C1orf87: variants seen among roughly 807,000 people sequenced by gnomAD.
C1orf87 encodes uncharacterized protein C1orf87.
C1orf87 carries 58 observed loss-of-function variants against 60.5 expected under a neutral mutation model. That is an observed-to-expected ratio of 0.96 (90% CI 0.78 to 1.19). The LOEUF is 1.19. Among genes scored for constraint, C1orf87 ranks in the 50% most tolerant of loss-of-function variants. The probability of loss-of-function intolerance (pLI) is 0.00; values close to 1 mark genes in which losing one functional copy is unlikely to be tolerated. For synonymous variants in C1orf87, 236 were observed against 227.4 expected (o/e 1.04, Z -0.34); for missense variants, 673 against 638.6 (o/e 1.05, Z -0.58).
chr1:60,064,642 T>TTAC (rs1367621674), intron 2 of C1orf87, among the ~76,000 whole-genome samples: 17 of 109,732 alleles, frequency 1.5e-4, no homozygotes, highest in African/African-American at 5.3e-4. Context: ...ATATATATGA[T>TTAC]ATATTTTATA....
At chr1:60,050,287 C>G (rs635380) in intron 3 of C1orf87, among the ~76,000 whole-genome samples, 4 of 152,110 alleles carry the variant, frequency 2.6e-5, no homozygotes, top group Admixed American at 2.0e-4. Context: ...TCAAATCTAC[C>G]CTTGTATCTT....
At chr1:60,013,448 A>G (rs1478742933) in intron 8 of C1orf87, among the ~76,000 whole-genome samples, 2 of 151,892 alleles carry the variant, frequency 1.3e-5, no homozygotes, top group African/African-American at 4.8e-5. Context: ...AATTCTTTCT[A>G]GTTTCTTCTG....
At chr1:60,018,447 C>T (rs1199788658) in intron 8 of C1orf87, among the ~76,000 whole-genome samples, 1 of 152,040 alleles carries the variant, frequency 6.6e-6, no homozygotes, top group Non-Finnish European at 1.5e-5. Context: ...AGTAAGTAGC[C>T]TAACACTATT....
chr1:60,001,476 TG>T (rs1645004091), intron 9 of C1orf87, among the ~76,000 whole-genome samples: 1 of 151,814 alleles, frequency 6.6e-6, no homozygotes, highest in African/African-American at 2.4e-5. Flanking sequence ...GGGGTAACAG[TG>T]GTGGGGGTTT....
intron 8 of C1orf87, among the ~76,000 whole-genome samples, chr1:60,016,866 G>T (rs989682276): frequency 5.9e-5 from 9 of 152,210 alleles, no homozygotes; most frequent in Non-Finnish European, 1.2e-4. Context: ...CCAGAACTCT[G>T]TTCAGCATCA....
chr1:60,061,660 C>G (rs1645497080), intron 2 of C1orf87, among the ~76,000 whole-genome samples: 1 of 151,362 alleles, frequency 6.6e-6, no homozygotes, highest in African/African-American at 2.4e-5. Flanking sequence ...GCCCATGAGG[C>G]CAGGCATAGT....
Position 59,997,672 on chromosome 1 carries a change from T to A in C1orf87, c.1417A>T (p.Thr473Ser). 6.2e-7 allele frequency: 1 copy of A among 1,613,966 alleles called. No homozygotes were observed. The highest frequency in any genetic ancestry group is 8.5e-7 in the Non-Finnish European group (1 of 1,179,900). ...AGCTTCCTGAACCTGTCTATCCACG[T>A]CTCACATTCCTCAGCCTTGTTCTTC... ...AVKNKAEECE[T>S]WIDRFRKLEN... The change falls in exon 11 of 12, where the codon ACG becomes TCG. Residue 473 changes from threonine (T) to serine (S), a missense_variant. Coordinates refer to ENST00000371201, the MANE Select transcript of C1orf87 (RefSeq NM_152377.3).
At position 60,033,632 on chromosome 1, in the gene C1orf87, A is replaced by G. The variant is rs1357243434; in HGVS notation, c.873T>C (p.Pro291=). ...CTTCTGGCTGTGAGCTGGAGTGCTG[A>G]GGTGGAGTGCTGATTGTAGGGGAAA... ...SHGTHSQSTP[P]QHSSSQPEVN... is the part of the protein sequence containing the mutation. The change falls in exon 7 of 12, where the codon CCT becomes CCC. Residue 291 remains proline, a synonymous_variant. Transcript: ENST00000371201. 1 of 1,612,180 alleles carries G rather than the reference A, an allele frequency of 6.2e-7. No individual in the cohort carries two copies. The highest frequency in any genetic ancestry group is 8.5e-7 in the Non-Finnish European group (1 of 1,179,102).
intron 7 of C1orf87, 145 bp downstream of exon 7, chr1:60,033,331 T>C: frequency 1.9e-5 from 14 of 720,748 alleles, no homozygotes; most frequent in Non-Finnish European, 2.9e-5. Flanking sequence ...TGCCTTGTTT[T>C]TCACTTCTCA....
chr1:60,002,772 T>C (rs1273854085), intron 9 of C1orf87, among the ~76,000 whole-genome samples: 8 of 151,952 alleles, frequency 5.3e-5, no homozygotes, highest in African/African-American at 1.9e-4. Context: ...CACAATGAGA[T>C]ACCATCTCAC....
At chr1:60,044,781 A>G (rs1645353870) in intron 3 of C1orf87, among the ~76,000 whole-genome samples, 1 of 152,244 alleles carries the variant, frequency 6.6e-6, no homozygotes, top group African/African-American at 2.4e-5. Context: ...GGGATTTGTC[A>G]GAGCACCTAT....
chr1:60,044,060 C>T (rs1411976029), intron 3 of C1orf87, among the ~76,000 whole-genome samples: 3 of 152,144 alleles, frequency 2.0e-5, no homozygotes, highest in East Asian at 1.9e-4. Flanking sequence ...GACGGAGTCT[C>T]GCTCTGTTGT....
At chr1:59,993,285 A>G (rs1644938085) in intron 11 of C1orf87, among the ~76,000 whole-genome samples, 2 of 152,036 alleles carry the variant, frequency 1.3e-5, no homozygotes, top group African/African-American at 4.8e-5. Flanking sequence ...GGAAAGAAAG[A>G]GGGAAAGAAG....
At chr1:60,033,778 G>T in intron 6 of C1orf87, 137 bp from the exon 7 acceptor site, 1 of 900,984 alleles carries the variant, frequency 1.1e-6, no homozygotes, top group Non-Finnish European at 1.6e-6. Context: ...TCTCAGTCTT[G>T]GGAACCTGGT....
chr1:60,039,451 C>T (rs1298160329), intron 5 of C1orf87, among the ~76,000 whole-genome samples: 1 of 152,202 alleles, frequency 6.6e-6, no homozygotes, highest in African/African-American at 2.4e-5. Flanking sequence ...TTCTCTGAGT[C>T]TCCTAAACAA....
intron 8 of C1orf87, among the ~76,000 whole-genome samples, chr1:60,016,965 G>T (rs1315115863): frequency 3.0e-4 from 46 of 152,198 alleles, no homozygotes; most frequent in Admixed American, 3.0e-3. Flanking sequence ...AATTTCATGG[G>T]ACTTGTAGGA....
chr1:60,023,547 TTA>T (rs1210384572), intron 8 of C1orf87, among the ~76,000 whole-genome samples: 1 of 152,184 alleles, frequency 6.6e-6, no homozygotes, highest in East Asian at 1.9e-4. Context: ...GTTTTAGATT[TTA>T]TAGAAAAAAA....
chr1:60,024,646 T>C (rs931142082), intron 8 of C1orf87, among the ~76,000 whole-genome samples: 2 of 152,130 alleles, frequency 1.3e-5, no homozygotes, highest in Non-Finnish European at 2.9e-5. Context: ...TTTTTGGCCT[T>C]CTTGAACTCG....
At chr1:60,005,392 A>G (rs1431966942) in intron 9 of C1orf87, among the ~76,000 whole-genome samples, 2 of 152,066 alleles carry the variant, frequency 1.3e-5, no homozygotes, top group African/African-American at 4.8e-5. Context: ...TGGAGAGAAC[A>G]AAGAGATGCA....
Sources: gnomAD v4.1 joint callset for allele counts (sites outside exome capture counted in the v4.1 genomes callset) on GRCh38, gnomAD v4.1.1 for gene constraint, MANE v1.5 for transcripts, NCBI Gene and HGNC (gene_info 2026-07-23, HGNC 2026-07-21) for gene names.